The following MEGF10 variants were observed in gnomAD, a reference collection of about 807,000 sequenced individuals.
MEGF10 encodes multiple EGF like domains 10.
MEGF10 carries 86 observed loss-of-function variants against 147.5 expected under a neutral mutation model. The ratio of observed to expected loss-of-function variants is 0.58; its 90% confidence interval spans 0.49 to 0.70. The LOEUF (loss-of-function observed/expected upper bound fraction) is 0.70, where lower values mean the gene tolerates loss of function less well. Ranked by LOEUF, MEGF10 falls within the 30% of genes least tolerant of loss-of-function variation. The pLI, the probability that MEGF10 is intolerant of heterozygous loss-of-function variation, is 0.00. For synonymous variants in MEGF10, 478 were observed against 525.5 expected (o/e 0.91, Z 1.24); for missense variants, 1,329 against 1,487.3 (o/e 0.89, Z 1.75).
At chr5:127,316,379 A>G (rs1355558137) in intron 1 of MEGF10, among the ~76,000 whole-genome samples, 12 of 152,222 alleles carry the variant, frequency 7.9e-5, no homozygotes, top group Non-Finnish European at 1.0e-4. Context: ...TAAGCTTTAA[A>G]TGAATTTACA....
the MEGF10 span, among the ~76,000 whole-genome samples, chr5:127,238,271 G>C: frequency 1.3e-5 from 2 of 151,954 alleles, no homozygotes; most frequent in African/African-American, 4.8e-5. Context: ...GTCCAGGCTG[G>C]TCTCGAACTC....
intron 17 of MEGF10, among the ~76,000 whole-genome samples, chr5:127,440,179 T>C (rs1411963187): frequency 1.3e-5 from 2 of 152,214 alleles, no homozygotes; most frequent in Non-Finnish European, 2.9e-5. Flanking sequence ...TGAAGGGTTA[T>C]TGCTTTTTAC....
intron 1 of MEGF10, among the ~76,000 whole-genome samples, chr5:127,312,968 T>C (rs961146280): frequency 1.3e-5 from 2 of 152,218 alleles, no homozygotes; most frequent in Non-Finnish European, 2.9e-5. Context: ...GCAAATGTCT[T>C]CATTAAGGTT....
intron 5 of MEGF10, among the ~76,000 whole-genome samples, chr5:127,377,348 T>C (rs2910217): frequency 3.9e-5 from 6 of 152,046 alleles, no homozygotes; most frequent in Non-Finnish European, 7.4e-5. Flanking sequence ...AATGGTAGAG[T>C]CCTAAATCAG....
chr5:127,275,478 T>C, the MEGF10 span, among the ~76,000 whole-genome samples: 1 of 152,296 alleles, frequency 6.6e-6, no homozygotes, highest in African/African-American at 2.4e-5. Context: ...GCAAGGGACA[T>C]AGAAACTACT....
At chr5:127,453,232 A>C (rs1194044835) in intron 22 of MEGF10, among the ~76,000 whole-genome samples, 1 of 152,176 alleles carries the variant, frequency 6.6e-6, no homozygotes, top group African/African-American at 2.4e-5. Context: ...ATTGTATTTC[A>C]AAAGATTAGT....
At chr5:127,389,050 T>C (rs1763547456) in intron 5 of MEGF10, among the ~76,000 whole-genome samples, 1 of 152,192 alleles carries the variant, frequency 6.6e-6, no homozygotes, top group African/African-American at 2.4e-5. Flanking sequence ...AACCGAAACA[T>C]ATCATTTCAG....
chr5:127,363,127 C>A (rs2126845577), intron 4 of MEGF10, among the ~76,000 whole-genome samples: 1 of 152,258 alleles, frequency 6.6e-6, no homozygotes, highest in Admixed American at 6.5e-5. Context: ...AAATGTATGG[C>A]AGAAGTTCTG....
intron 12 of MEGF10, among the ~76,000 whole-genome samples, chr5:127,421,988 C>CAAA (rs34631374): frequency 6.5e-5 from 4 of 61,232 alleles, no homozygotes; most frequent in African/African-American, 1.6e-4. Flanking sequence ...GACTCCGTCT[C>CAAA]AAAAAAAAAA....
chr5:127,310,932 C>T (rs895305952), intron 1 of MEGF10, among the ~76,000 whole-genome samples: 20 of 152,180 alleles, frequency 1.3e-4, no homozygotes, highest in African/African-American at 4.8e-5. Flanking sequence ...CTTTTGTCCT[C>T]AGGCTGGAAA....
chr5:127,365,637 G>T (rs984505541), intron 4 of MEGF10, among the ~76,000 whole-genome samples: 1 of 152,172 alleles, frequency 6.6e-6, no homozygotes, highest in African/African-American at 2.4e-5. Context: ...GTTCTTGAGG[G>T]AAAAGACGTC....
chr5:127,438,650 A>G (rs1765644790), intron 17 of MEGF10, 83 bp downstream of exon 17: 3 of 1,475,408 alleles, frequency 2.0e-6, no homozygotes, highest in South Asian at 2.5e-5. Context: ...GCGTGACTGG[A>G]GCTCAACAAA....
chr5:127,411,399 A>G (rs1375846248), intron 9 of MEGF10, among the ~76,000 whole-genome samples: 1 of 152,242 alleles, frequency 6.6e-6, no homozygotes, highest in Non-Finnish European at 1.5e-5. Flanking sequence ...CTTTATTTGC[A>G]TTCAGCACAG....
the MEGF10 span, among the ~76,000 whole-genome samples, chr5:127,240,475 T>TC: frequency 6.6e-6 from 1 of 152,220 alleles, no homozygotes; most frequent in Admixed American, 6.5e-5. Context: ...ACTATTTTTT[T>TC]CACTAACATT....
At chr5:127,432,361 A>G (rs993656027) in intron 13 of MEGF10, among the ~76,000 whole-genome samples, 1 of 152,216 alleles carries the variant, frequency 6.6e-6, no homozygotes, top group African/African-American at 2.4e-5. Context: ...CAAAACTGTA[A>G]CACAAGACAT....
chr5:127,328,222 A>G (rs916915799), intron 1 of MEGF10, among the ~76,000 whole-genome samples: 2 of 152,196 alleles, frequency 1.3e-5, no homozygotes, highest in African/African-American at 4.8e-5. Context: ...TAACCAGCTT[A>G]TGTGAATTTG....
At chr5:127,447,208 G>C (rs941430125) in intron 20 of MEGF10, among the ~76,000 whole-genome samples, 1 of 152,008 alleles carries the variant, frequency 6.6e-6, no homozygotes. Flanking sequence ...ATGGAGTCTC[G>C]CTCTGTCACC....
At chr5:127,241,018 A>G in the MEGF10 span, among the ~76,000 whole-genome samples, 1 of 152,160 alleles carries the variant, frequency 6.6e-6, no homozygotes, top group South Asian at 2.1e-4. Flanking sequence ...GTTTTTATAT[A>G]TGTGGCTTGG....
chr5:127,449,062 T>A, intron 21 of MEGF10, 37 bp from the exon 22 acceptor site: 1 of 1,612,748 alleles, frequency 6.2e-7, no homozygotes, highest in Non-Finnish European at 8.5e-7. Context: ...CGCATTGTAT[T>A]TTGTTTTTAA....
Sources: allele counts gnomAD v4.1 joint callset (sites outside exome capture counted in the v4.1 genomes callset), GRCh38; gene constraint gnomAD v4.1.1; transcripts MANE v1.5; gene names NCBI Gene and HGNC (gene_info 2026-07-23, HGNC 2026-07-21).